The following TSPEAR variants were observed in gnomAD, a reference collection of about 807,000 sequenced individuals.
TSPEAR encodes the protein thrombospondin-type laminin G domain and EAR repeat-containing protein.
Under a neutral mutation model 71.6 loss-of-function variants are expected in TSPEAR, and 69 were observed. The ratio of observed to expected loss-of-function variants is 0.96; its 90% CI spans 0.79 to 1.18. The LOEUF (loss-of-function observed/expected upper bound fraction) is 1.18. Among genes scored for constraint, TSPEAR ranks in the 50% most tolerant of loss-of-function variants. TSPEAR has a pLI of 0.00. For synonymous variants in TSPEAR, 402 were observed against 387.2 expected, an observed-to-expected ratio of 1.04 and a Z score of -0.45; for missense variants, 971 against 894.9, an observed-to-expected ratio of 1.09 and a Z score of -1.09.
At position 44,558,999 on chromosome 21, in the gene TSPEAR, A is replaced by G. The variant is rs587680561; in HGVS notation, c.303+8786T>C. Among the ~76,000 whole-genome samples, 16 of 152,312 alleles carry G rather than the reference A, an allele frequency of 1.1e-4. No individual in the cohort carries two copies. In the South Asian group the frequency reaches 3.1e-3, roughly 30 times the overall value. On this transcript the variant is annotated intron_variant, in intron 2 of 11. Transcript: ENST00000323084. ...TTCCCTAATGTGGGCTTGTCCACAGAGATAAACTAGTAGAAATATATTGAT... is the reference window on the plus strand; with the variant it reads ...TTCCCTAATGTGGGCTTGTCCACAGGGATAAACTAGTAGAAATATATTGAT...
intron 1 of TSPEAR, among the ~76,000 whole-genome samples, chr21:44,611,468 G>C (rs1981665016): frequency 6.6e-6 from 1 of 151,994 alleles, no homozygotes; most frequent in Non-Finnish European, 1.5e-5. Context: ...GGCCTCCCCA[G>C]CCATGTGGAA....
At chr21:44,587,884 T>C (rs985373118) in intron 1 of TSPEAR, among the ~76,000 whole-genome samples, 1 of 152,176 alleles carries the variant, frequency 6.6e-6, no homozygotes, top group Non-Finnish European at 1.5e-5. Flanking sequence ...TCAAGATGGA[T>C]CAAGGACTTA....
chr21:44,696,006 G>C (rs76471287), intron 1 of TSPEAR, among the ~76,000 whole-genome samples: 1 of 152,128 alleles, frequency 6.6e-6, no homozygotes, highest in Non-Finnish European at 1.5e-5. Flanking sequence ...AAAGGCTGCC[G>C]AATGTCTTCT....
chr21:44,647,229 T>C, intron 1 of TSPEAR: 1 of 1,605,514 alleles, frequency 6.2e-7, no homozygotes, highest in Non-Finnish European at 8.5e-7. Flanking sequence ...CCTCCTGCTG[T>C]GCCCCCACCT....
At chr21:44,513,695 G>C (rs2052467140) in intron 9 of TSPEAR, among the ~76,000 whole-genome samples, 1 of 152,196 alleles carries the variant, frequency 6.6e-6, no homozygotes, top group Non-Finnish European at 1.5e-5. Context: ...TTAGTTGCTG[G>C]GCAAAGAGGC....
chr21:44,521,529 G>C (rs1346628400), intron 9 of TSPEAR, among the ~76,000 whole-genome samples: 2 of 152,244 alleles, frequency 1.3e-5, no homozygotes, highest in African/African-American at 2.4e-5. Flanking sequence ...ACTCAGATTA[G>C]ACCGCGGGAG....
At chr21:44,647,208 T>C (rs587607760) in intron 1 of TSPEAR, 30 of 1,613,486 alleles carry the variant, frequency 1.9e-5, no homozygotes, top group South Asian at 7.7e-5. Flanking sequence ...CCACCTGCTG[T>C]GTGCCCGTCT....
At chr21:44,533,652 C>G (rs1441635388) in intron 3 of TSPEAR, 33 bp downstream of exon 3, 1 of 1,557,414 alleles carries the variant, frequency 6.4e-7, no homozygotes, top group Non-Finnish European at 8.8e-7. Flanking sequence ...ACTCTGAGGA[C>G]TGCAGGTGCA....
chr21:44,646,620 C>T, intron 1 of TSPEAR: 1 of 1,613,056 alleles, frequency 6.2e-7, no homozygotes, highest in Non-Finnish European at 8.5e-7. Flanking sequence ...GCTGTGTGTC[C>T]AGCCCCTGCT....
chr21:44,554,298 G>C (rs7283370), intron 2 of TSPEAR, among the ~76,000 whole-genome samples: 82,954 of 152,134 alleles, frequency 0.55, 23,915 homozygotes, highest in South Asian at 0.71. Context: ...ACCACCATGT[G>C]GCACCCTGAC....
At position 44,533,934 on chromosome 21, in the gene TSPEAR, C is replaced by T. The variant is rs781990216; in HGVS notation, c.304-11G>A. 67 of 1,474,434 alleles carry T rather than the reference C, an allele frequency of 4.5e-5. No individual in the cohort carries two copies. Among genetic ancestry groups the T allele is most frequent in the South Asian group, 3.4e-4 (30 of 88,520 alleles). The allele number at this position is 1,474,434 out of a possible 1,614,324, so 91.3% of individuals were successfully genotyped here. On this transcript the variant is annotated splice_polypyrimidine_tract_variant and intron_variant, in intron 2 of 11. Transcript: ENST00000323084. ...CAGGTACTCGTTCCTCTGTGGAGAG[C>T]GGGCCAGGCTCAGGACGGGGCTGGG... is the stretch of plus-strand genomic sequence containing the variant.
At chr21:44,513,520 C>G (rs1398137059) in intron 9 of TSPEAR, among the ~76,000 whole-genome samples, 1 of 152,232 alleles carries the variant, frequency 6.6e-6, no homozygotes, top group African/African-American at 2.4e-5. Context: ...CCCGCCCTCC[C>G]TCCAATGGAA....
intron 9 of TSPEAR, among the ~76,000 whole-genome samples, chr21:44,515,038 C>T (rs1220427754): frequency 2.0e-5 from 3 of 152,198 alleles, no homozygotes; most frequent in African/African-American, 4.8e-5. Context: ...CCCACACCCC[C>T]GCAGACCCCT....
intron 1 of TSPEAR, among the ~76,000 whole-genome samples, chr21:44,681,223 G>A (rs1206082227): frequency 6.6e-6 from 1 of 152,228 alleles, no homozygotes; most frequent in Non-Finnish European, 1.5e-5. Context: ...TCCGCGACCC[G>A]GGAAGCAGGA....
At chr21:44,601,186 G>A (rs782065027) in intron 1 of TSPEAR, 11 of 1,599,792 alleles carry the variant, frequency 6.9e-6, no homozygotes, top group Non-Finnish European at 9.3e-6. Flanking sequence ...CTGCTGCCAG[G>A]CGGTCTGTGA....
In TSPEAR at chr21:44,702,828, G is replaced by C. The variant is rs1471496735; in HGVS notation, c.82+8605C>G. 2.1e-5 allele frequency: 23 copies of C among 1,075,148 alleles called. No individual in the cohort carries two copies. In the African/African-American group the frequency reaches 2.9e-4, roughly 14 times the overall value. 66.6% of individuals were successfully genotyped at this position (1,075,148 alleles called of 1,614,324 possible). A position where few individuals can be genotyped will look rare whatever the true frequency, so the allele number is the denominator to read the frequency against. On this transcript the variant is annotated intron_variant, in intron 1 of 11. Coordinates refer to ENST00000323084, the MANE Select transcript of TSPEAR (RefSeq NM_144991.3). ...GGGCACGTCCCCCAGGGCCAGCCAG[G>C]CTCAGGTTCCCCCCAACCTCTCCCA...
chr21:44,605,685 A>C (rs1450627299), intron 1 of TSPEAR, among the ~76,000 whole-genome samples: 1 of 152,262 alleles, frequency 6.6e-6, no homozygotes, highest in African/African-American at 2.4e-5. Flanking sequence ...AAAGGTGCCA[A>C]GAACAAATGA....
At chr21:44,637,110 A>C (rs1983623946) in intron 1 of TSPEAR, among the ~76,000 whole-genome samples, 1 of 152,152 alleles carries the variant, frequency 6.6e-6, no homozygotes, top group African/African-American at 2.4e-5. Flanking sequence ...TCAGCCCCAG[A>C]GAGGTCACAC....
chr21:44,509,721 G>T, intron 9 of TSPEAR: 2 of 316,200 alleles, frequency 6.3e-6, no homozygotes, highest in East Asian at 7.2e-5. Context: ...AGCCTCCTTG[G>T]CCACTTCTCC....
Sources: gnomAD v4.1 joint callset for allele counts (sites outside exome capture counted in the v4.1 genomes callset) on GRCh38, gnomAD v4.1.1 for gene constraint, MANE v1.5 for transcripts, NCBI Gene and HGNC (gene_info 2026-07-23, HGNC 2026-07-21) for gene names.